RPP30: variants seen among roughly 807,000 people sequenced by gnomAD.
RPP30 encodes ribonuclease P/MRP subunit p30.
RPP30 carries 36 observed loss-of-function variants against 38.6 expected under a neutral mutation model. The ratio of observed to expected loss-of-function variants is 0.93; its 90% CI spans 0.71 to 1.23. The LOEUF (loss-of-function observed/expected upper bound fraction) is 1.23, where lower values mean the gene tolerates loss of function less well. RPP30 is among the 50% of genes most tolerant of loss of function. The probability of loss-of-function intolerance (pLI) is 0.00; values close to 1 mark genes in which losing one functional copy is unlikely to be tolerated. For missense variants in RPP30, 321 were observed against 321.7 expected, an observed-to-expected ratio of 1.00 and a Z score of 0.02; for synonymous variants, 126 against 112.7, an observed-to-expected ratio of 1.12 and a Z score of -0.75.
intron 9 of RPP30, 89 bp downstream of exon 9, chr10:90,896,006 T>C (rs1289788142): frequency 9.8e-7 from 1 of 1,021,642 alleles, no homozygotes; most frequent in Non-Finnish European, 1.5e-6. Flanking sequence ...TGTATTTTTC[T>C]CAACCTTTTA....
intron 2 of RPP30, 52 bp from the exon 3 acceptor site, chr10:90,875,506 C>T (rs1846839435): frequency 7.1e-7 from 1 of 1,405,690 alleles, no homozygotes; most frequent in Non-Finnish European, 1.0e-6. Flanking sequence ...TCCATTATGC[C>T]TTGTGCTATT....
intron 6 of RPP30, among the ~76,000 whole-genome samples, chr10:90,889,325 T>G (rs1294495852): frequency 1.3e-5 from 2 of 149,196 alleles, no homozygotes; most frequent in Admixed American, 1.3e-4. Flanking sequence ...TTTTTTTTTT[T>G]TGAGACAGAG....
chr10:90,896,379 G>C lies in RPP30; in HGVS notation c.684G>C (p.Ala228=). 5 of 1,613,878 alleles carry C rather than the reference G, an allele frequency of 3.1e-6. No homozygotes were observed. In the South Asian group the frequency reaches 5.5e-5, roughly 18 times the overall value. The change falls in exon 10 of 11, where the codon GCG becomes GCC. Residue 228 remains alanine (A), a synonymous_variant. Transcript: ENST00000371703. ...KAAVSTNCRA[A]LLHGETRKTA... ...CGGTGTCCACCAACTGCCGAGCAGCGCTTCTCCATGGAGGTAAGCAAGTTC... is the reference window on the plus strand; with the variant it reads ...CGGTGTCCACCAACTGCCGAGCAGCCCTTCTCCATGGAGGTAAGCAAGTTC...
chr10:90,907,630 T>C (rs11186359), downstream of RPP30, among the ~76,000 whole-genome samples: 36,048 of 152,120 alleles, frequency 0.24, 4,535 homozygotes, highest in African/African-American at 0.34. Context: ...CTGGCTTTCA[T>C]GTATTTCCAC....
downstream of RPP30, among the ~76,000 whole-genome samples, chr10:90,904,587 C>G (rs532772331): frequency 6.6e-6 from 1 of 152,042 alleles, no homozygotes; most frequent in Non-Finnish European, 1.5e-5. Flanking sequence ...CCAAGGAGGG[C>G]GGATAACTTG....
intron 6 of RPP30, among the ~76,000 whole-genome samples, chr10:90,889,426 C>T (rs1330353614): frequency 6.7e-6 from 1 of 150,148 alleles, no homozygotes; most frequent in East Asian, 2.0e-4. Flanking sequence ...TCTCCTGTCT[C>T]AGCCTCCCAA....
At chr10:90,903,116 C>T (rs1847221142), downstream of RPP30, 1 of 784,786 alleles carries the variant, frequency 1.3e-6, no homozygotes, top group African/African-American at 1.7e-5. Flanking sequence ...AGAAGGATAA[C>T]AAATTTGGGG....
At chr10:90,900,490 G>C in intron 10 of RPP30, 80 bp from the exon 11 acceptor site, 1 of 1,401,628 alleles carries the variant, frequency 7.1e-7, no homozygotes, top group South Asian at 1.5e-5. Context: ...ATTGCTGTAA[G>C]CCAAAGTAAT....
At chr10:90,890,946 C>T (rs1199578425) in intron 6 of RPP30, among the ~76,000 whole-genome samples, 1 of 152,126 alleles carries the variant, frequency 6.6e-6, no homozygotes, top group African/African-American at 2.4e-5. Flanking sequence ...TAAGAGATTT[C>T]ACATTAAAAT....
chr10:90,899,358 A>G (rs1847176665), intron 10 of RPP30, among the ~76,000 whole-genome samples: 1 of 152,226 alleles, frequency 6.6e-6, no homozygotes, highest in Admixed American at 6.5e-5. Flanking sequence ...AATCTTGATA[A>G]ATGGGAAAAT....
chr10:90,898,249 G>A (rs981984136), intron 10 of RPP30, among the ~76,000 whole-genome samples: 3 of 152,124 alleles, frequency 2.0e-5, no homozygotes, highest in African/African-American at 7.2e-5. Flanking sequence ...TGTGAACTTT[G>A]GGTGGCATTA....
intron 6 of RPP30, among the ~76,000 whole-genome samples, chr10:90,886,506 T>C (rs552340617): frequency 7.2e-5 from 11 of 152,344 alleles, no homozygotes; most frequent in Non-Finnish European, 1.2e-4. Flanking sequence ...ACCCTTCATC[T>C]TCTATCTGTC....
At chr10:90,892,545 C>T (rs1031797736) in intron 6 of RPP30, among the ~76,000 whole-genome samples, 7 of 152,046 alleles carry the variant, frequency 4.6e-5, no homozygotes, top group Non-Finnish European at 1.0e-4. Flanking sequence ...CCACAAGGGT[C>T]TAGAAATTTA....
intron 2 of RPP30, 44 bp from the exon 3 acceptor site, chr10:90,875,514 A>G (rs756910273): frequency 2.7e-6 from 4 of 1,495,766 alleles, no homozygotes; most frequent in Non-Finnish European, 2.8e-6. Flanking sequence ...GCCTTGTGCT[A>G]TTAATGGATA....
At position 90,902,091 on chromosome 10, in the gene RPP30, C is replaced by G; in HGVS notation, c.*1412C>G. 1.0e-6 allele frequency: 1 copy of G among 990,852 alleles called. No individual in the cohort carries two copies. Among genetic ancestry groups the G allele is most frequent in the Non-Finnish European group, 1.2e-6 (1 of 833,004 alleles). The allele number at this position is 990,852 out of a possible 1,614,324, so 61.4% of individuals were successfully genotyped here. ...GGATTACAGGCGTTAGCCACTGCGC[C>G]CGGCCCGAGAAAATACAGTTTTAAA... On this transcript the variant is annotated 3_prime_UTR_variant, in exon 11 of 11. Transcript: ENST00000371703.
intron 5 of RPP30, 52 bp from the exon 6 acceptor site, chr10:90,885,760 T>C: frequency 8.6e-7 from 1 of 1,161,932 alleles, no homozygotes; most frequent in East Asian, 2.3e-5. Context: ...TCTCCCATTC[T>C]TACTTGTGCC....
rs371092192 is a variant in RPP30 at position 90,901,427 on chromosome 10, A to AT, written c.*755dup. 2.0e-6 allele frequency: 2 copies of AT among 985,128 alleles called. No individual in the cohort carries two copies. Among genetic ancestry groups the AT allele is most frequent in the Non-Finnish European group, 2.4e-6 (2 of 829,658 alleles). The allele number at this position is 985,128 out of a possible 1,614,324, so 61.0% of individuals were successfully genotyped here. On this transcript the variant is annotated 3_prime_UTR_variant, in exon 11 of 11. Coordinates refer to ENST00000371703, the MANE Select transcript of RPP30 (RefSeq NM_006413.5). Reference sequence around the variant, plus strand: ...GCTTCTTTCATGTATTCAAATCAGCATTTTTTTCTAAGAAATTGCTATAGA... The same window carrying AT: ...GCTTCTTTCATGTATTCAAATCAGCATTTTTTTTCTAAGAAATTGCTATAGA...
intron 6 of RPP30, among the ~76,000 whole-genome samples, chr10:90,890,752 A>G (rs940840200): frequency 6.6e-6 from 1 of 152,164 alleles, no homozygotes; most frequent in African/African-American, 2.4e-5. Context: ...ATTTTCACTC[A>G]TGTCATAGAC....
chr10:90,905,523 T>C (rs1330291942), downstream of RPP30: 1 of 152,244 alleles, frequency 6.6e-6, no homozygotes, highest in Non-Finnish European at 1.5e-5. Flanking sequence ...TTCTGTTTTT[T>C]CTCATTCCCT....
Sources: allele counts gnomAD v4.1 joint callset (sites outside exome capture counted in the v4.1 genomes callset), GRCh38; gene constraint gnomAD v4.1.1; transcripts MANE v1.5; gene names NCBI Gene and HGNC (gene_info 2026-07-23, HGNC 2026-07-21).